The following DICER1 variants were observed in gnomAD, a reference collection of about 807,000 sequenced individuals.
DICER1 encodes endoribonuclease Dicer.
DICER1 carries 43 observed loss-of-function variants against 194.1 expected under a neutral mutation model. That is an observed-to-expected ratio of 0.22 (90% CI 0.17 to 0.29). The LOEUF is 0.29. Among genes scored for constraint, DICER1 ranks in the 10% least tolerant of loss-of-function variants. The pLI is 1.00. For missense variants in DICER1, 1,608 were observed against 2,317.0 expected, an observed-to-expected ratio of 0.69 and a Z score of 6.28; for synonymous variants, 832 against 820.5, an observed-to-expected ratio of 1.01 and a Z score of -0.24.
At position 95,088,157 on chromosome 14, in the gene DICER1, G is replaced by A. The variant is rs1889491125; in HGVS notation, c.*2341C>T. 1 of 232,718 alleles carries A rather than the reference G, an allele frequency of 4.3e-6. No individual in the cohort carries two copies. The highest frequency in any genetic ancestry group is 1.8e-4 in the South Asian group (1 of 5,528). The allele number at this position is 232,718 out of a possible 1,614,324, so 14.4% of individuals were successfully genotyped here. ...AAAAGTGAAACGGCTGAAGTTTGCT[G>A]TTGATAAAACATTTGAATGGTAGAA... is the stretch of plus-strand genomic sequence containing the variant. On this transcript the variant is annotated 3_prime_UTR_variant, in exon 27 of 27. Coordinates refer to ENST00000343455, the MANE Select transcript of DICER1 (RefSeq NM_177438.3).
chr14:95,107,792 T>C, intron 16 of DICER1, 31 bp from the exon 17 acceptor site: 2 of 1,612,872 alleles, frequency 1.2e-6, no homozygotes, highest in South Asian at 2.2e-5. Flanking sequence ...CTTTAGCTTG[T>C]TAAAACATGA....
rs1032084359 is a variant in DICER1, at chr14:95,137,570, G to A, written c.-45-4067C>T. ...GGGGAAGGGAATGGAGAAGGGGAAG[G>A]GAAAGGGGAAGGGGAAAGGAAAAAA... On this transcript the variant is annotated intron_variant, in intron 1 of 26. Transcript: ENST00000343455. 2.0e-5 allele frequency among the ~76,000 whole-genome samples: 3 copies of A among 151,666 alleles called. No homozygotes were observed. In the East Asian group the frequency reaches 5.8e-4, roughly 29 times the overall value.
intron 11 of DICER1, among the ~76,000 whole-genome samples, chr14:95,113,504 A>G (rs1022773433): frequency 3.9e-5 from 6 of 152,226 alleles, no homozygotes; most frequent in Non-Finnish European, 8.8e-5. Context: ...TTTTTATTTT[A>G]TTTTAAATTG....
rs775207591 is a variant in DICER1 at position 95,130,071 on chromosome 14, C to G, written c.560G>C (p.Arg187Pro). ...TCTAAAACTTACCTTCATAATTTCT[C>G]GATAGGGGTGGTCTAGGATTGCAAG... ...CHLAILDHPY[R>P]EIMKLCENCP... The change falls in exon 5 of 27, where the codon CGA becomes CCA. Residue 187 changes from arginine to proline, a missense_variant. This residue lies in a region of DICER1 where 657 missense variants were observed against 910.1 expected (regional missense o/e 0.72). Coordinates refer to ENST00000343455, the MANE Select transcript of DICER1 (RefSeq NM_177438.3). 6.2e-7 allele frequency: 1 copy of G among 1,613,236 alleles called. No homozygotes were observed.
intron 13 of DICER1, among the ~76,000 whole-genome samples, chr14:95,111,733 T>C (rs1236490992): frequency 1.4e-5 from 2 of 144,154 alleles, no homozygotes; most frequent in East Asian, 4.0e-4. Flanking sequence ...CTAAATAAAA[T>C]GGCCATAGAA....
At chr14:95,150,597 C>T (rs1158094810) in intron 1 of DICER1, among the ~76,000 whole-genome samples, 1 of 152,220 alleles carries the variant, frequency 6.6e-6, no homozygotes, top group African/African-American at 2.4e-5. Flanking sequence ...CCATTTTTAA[C>T]CATCACATTA....
chr14:95,137,867 AG>A (rs1894522562), intron 1 of DICER1: 1 of 154,634 alleles, frequency 6.5e-6, no homozygotes. Context: ...AAACAAATTG[AG>A]GAAAAATCTG....
Position 95,091,289 on chromosome 14 carries a change from G to C in DICER1, c.5441C>G (p.Ser1814Trp), listed in dbSNP as rs1060503625. The C allele has an allele frequency of 6.2e-7, 1 of 1,613,936 alleles. No individual in the cohort carries two copies. Among genetic ancestry groups the C allele is most frequent in the Non-Finnish European group, 8.5e-7 (1 of 1,179,942 alleles). ...VPKAMGDIFE[S>W]LAGAIYMDSG... The stretch of plus-strand genomic sequence containing the variant: ...ATCCATGTAAATGGCACCAGCAAGC[G>C]ACTCAAAAATATCCCCCATGGCCTT... Residue 1814 changes from serine to tryptophan, a missense_variant, in exon 25 of 27, where the codon TCG becomes TGG. Transcript: ENST00000343455.
At chr14:95,100,769 A>G (rs1353584311) in intron 21 of DICER1, among the ~76,000 whole-genome samples, 1 of 152,100 alleles carries the variant, frequency 6.6e-6, no homozygotes, top group Admixed American at 6.6e-5. Context: ...ATGTAACTCA[A>G]CTATTGTTTA....
chr14:95,097,081 TCACACAG>T (rs1234120016), intron 22 of DICER1, among the ~76,000 whole-genome samples: 1 of 152,230 alleles, frequency 6.6e-6, no homozygotes, highest in African/African-American at 2.4e-5. Flanking sequence ...CATATGCTGA[TCACACAG>T]ATCTTCAATT....
At position 95,142,427 on chromosome 14, in the gene DICER1, G is replaced by A. The variant is rs187793708; in HGVS notation, c.-45-8924C>T. Among the ~76,000 whole-genome samples, 126 of 152,080 alleles carry A rather than the reference G, an allele frequency of 8.3e-4. 1 individual carries two copies. In the South Asian group the frequency reaches 0.018, roughly 22 times the overall value. On this transcript the variant is annotated intron_variant, in intron 1 of 26. Coordinates refer to ENST00000343455, the MANE Select transcript of DICER1 (RefSeq NM_177438.3). ...CCACCTAGTAGGATGCAAAGACCAC[G>A]CACACCAACATGTCCTGCTGTGTCA...
At chr14:95,093,849 T>C (rs1890061213) in intron 24 of DICER1, 39 bp downstream of exon 24, 3 of 1,611,546 alleles carry the variant, frequency 1.9e-6, no homozygotes, top group Non-Finnish European at 2.5e-6. Context: ...GACTCCTAGT[T>C]AGACCACTTT....
In DICER1 at chr14:95,106,238, CAAAA is replaced by C. The variant is rs1247349215; in HGVS notation, c.2805-19_2805-16del. 3 of 1,598,400 alleles carry C rather than the reference CAAAA, an allele frequency of 1.9e-6. No homozygotes were observed. In the South Asian group the frequency reaches 3.3e-5, roughly 18 times the overall value. ...AATTGCGATATCTAAAAAAGAAAAA[CAAAA>C]AAACAATCAGTTGCTTTTTGATTTA... On this transcript the variant is annotated splice_polypyrimidine_tract_variant and intron_variant, in intron 17 of 26. Transcript: ENST00000343455.
At chr14:95,133,545 G>A (rs1894139267) in intron 1 of DICER1, 42 bp from the exon 2 acceptor site, 1 of 1,405,850 alleles carries the variant, frequency 7.1e-7, no homozygotes. Context: ...ATCATGCAGG[G>A]TTAAAAACAA....
chr14:95,134,877 G>A (rs1190135152), intron 1 of DICER1, among the ~76,000 whole-genome samples: 1 of 152,046 alleles, frequency 6.6e-6, no homozygotes, highest in Non-Finnish European at 1.5e-5. Context: ...TAATTTCCCT[G>A]GATCAAAGAG....
At chr14:95,154,991 G>C (rs1895750512) in intron 1 of DICER1, among the ~76,000 whole-genome samples, 1 of 152,062 alleles carries the variant, frequency 6.6e-6, no homozygotes, top group East Asian at 1.9e-4. Flanking sequence ...ACGTGATGCA[G>C]CCCTGAAATC....
At chr14:95,098,000 C>T (rs938344024) in intron 22 of DICER1, among the ~76,000 whole-genome samples, 9 of 151,816 alleles carry the variant, frequency 5.9e-5, no homozygotes, top group South Asian at 2.1e-4. Context: ...GGCCAAACTG[C>T]GATTTTTAAA....
chr14:95,106,198 G>A lies in DICER1; in HGVS notation c.2830C>T (p.Arg944Ter), dbSNP rs137852978. The A allele has an allele frequency of 6.2e-7, 1 of 1,613,844 alleles. No homozygotes were observed. Among genetic ancestry groups the A allele is most frequent in the Non-Finnish European group, 8.5e-7 (1 of 1,179,860 alleles). Reference sequence around the variant, plus strand: ...GTGTACACATCAGCTACATAAAATCGATGAGGCTGATCAAAATTGCGATAT... The same window carrying A: ...GTGTACACATCAGCTACATAAAATCAATGAGGCTGATCAAAATTGCGATAT... ...PRYRNFDQPH[R>*]FYVADVYTDL... Residue 944 changes from arginine (R) to a stop codon, truncating the protein, a stop_gained, in exon 18 of 27, where the codon CGA (arginine) becomes TGA (stop). Coordinates refer to ENST00000343455, the MANE Select transcript of DICER1 (RefSeq NM_177438.3). LOFTEE classifies it high-confidence loss of function.
chr14:95,132,274 C>CAT (rs1309948864), intron 3 of DICER1, among the ~76,000 whole-genome samples: 2 of 152,270 alleles, frequency 1.3e-5, no homozygotes, highest in East Asian at 3.9e-4. Context: ...TTCTAATGTA[C>CAT]ATATGTTCCA....
Sources: gnomAD v4.1 joint callset for allele counts (sites outside exome capture counted in the v4.1 genomes callset) on GRCh38, gnomAD v4.1.1 for gene constraint, gnomAD v4.1.1 regional missense constraint, MANE v1.5 for transcripts, NCBI Gene and HGNC (gene_info 2026-07-23, HGNC 2026-07-21) for gene names.